The following DLG2 variants were observed in gnomAD, a reference collection of about 807,000 sequenced individuals.
The protein encoded by DLG2 is discs large MAGUK scaffold protein 2.
A neutral mutation model predicts 132.5 loss-of-function variants in DLG2; 45 were observed. That is an observed-to-expected ratio of 0.34 (90% CI 0.27 to 0.44). DLG2 has a LOEUF of 0.44. Ranked by LOEUF, DLG2 falls within the 20% of genes least tolerant of loss-of-function variation. The pLI is 1.00. For synonymous variants in DLG2, 424 were observed against 419.6 expected, an observed-to-expected ratio of 1.01 and a Z score of -0.13; for missense variants, 1,045 against 1,196.9, an observed-to-expected ratio of 0.87 and a Z score of 1.87.
At chr11:84,780,979 C>T (rs1472829461) in intron 6 of DLG2, among the ~76,000 whole-genome samples, 2 of 117,866 alleles carry the variant, frequency 1.7e-5, no homozygotes, top group African/African-American at 3.3e-5. Flanking sequence ...TTGTGAAGTG[C>T]TTTACTCCAG....
At chr11:84,422,125 A>G (rs1049624809) in intron 7 of DLG2, among the ~76,000 whole-genome samples, 1 of 152,188 alleles carries the variant, frequency 6.6e-6, no homozygotes, top group African/African-American at 2.4e-5. Context: ...TGGGCAAATT[A>G]TGTCTCTTTT....
At chr11:84,291,925 C>G (rs566405380) in intron 7 of DLG2, among the ~76,000 whole-genome samples, 2 of 152,230 alleles carry the variant, frequency 1.3e-5, no homozygotes, top group South Asian at 4.2e-4. Context: ...GAAAACACCC[C>G]CTCTATTTAT....
chr11:83,959,737 G>A (rs1231814975), intron 14 of DLG2, among the ~76,000 whole-genome samples: 1 of 152,042 alleles, frequency 6.6e-6, no homozygotes, highest in Non-Finnish European at 1.5e-5. Flanking sequence ...GGGATGCAGG[G>A]ATGGGGCCTT....
At chr11:84,077,887 C>T (rs946465890) in intron 10 of DLG2, among the ~76,000 whole-genome samples, 2 of 152,080 alleles carry the variant, frequency 1.3e-5, no homozygotes, top group Admixed American at 6.5e-5. Context: ...ATTGATCACC[C>T]TAGCATACTT....
intron 5 of DLG2, among the ~76,000 whole-genome samples, chr11:85,113,072 G>A (rs1201841699): frequency 2.6e-5 from 4 of 151,970 alleles, no homozygotes; most frequent in Non-Finnish European, 5.9e-5. Context: ...TATGGATAAA[G>A]TCATCATAAA....
At chr11:83,977,845 T>G (rs1386477494) in intron 12 of DLG2, among the ~76,000 whole-genome samples, 1 of 152,092 alleles carries the variant, frequency 6.6e-6, no homozygotes, top group Admixed American at 6.6e-5. Context: ...CATTCTACTT[T>G]TAATACATAC....
intron 7 of DLG2, among the ~76,000 whole-genome samples, chr11:84,406,893 G>A (rs2098854059): frequency 6.6e-6 from 1 of 152,168 alleles, no homozygotes; most frequent in Non-Finnish European, 1.5e-5. Flanking sequence ...GAGAAGAGGT[G>A]GAAGGTGAGA....
chr11:85,317,234 T>A (rs990691802), intron 3 of DLG2, among the ~76,000 whole-genome samples: 2 of 151,902 alleles, frequency 1.3e-5, no homozygotes, highest in African/African-American at 2.4e-5. Flanking sequence ...GCTGCAGACA[T>A]AGACGGGGCT....
intron 6 of DLG2, among the ~76,000 whole-genome samples, chr11:84,849,118 T>C (rs1046884092): frequency 1.3e-4 from 20 of 152,136 alleles, no homozygotes; most frequent in African/African-American, 4.8e-4. Context: ...GAGAGGAACC[T>C]CATAGAGATG....
chr11:84,515,147 T>C (rs978931085), intron 7 of DLG2, among the ~76,000 whole-genome samples: 3 of 151,338 alleles, frequency 2.0e-5, no homozygotes, highest in Admixed American at 6.6e-5. Context: ...AGGAACCAAA[T>C]ACCTACAAAA....
chr11:83,701,569 G>C (rs374893992), intron 18 of DLG2, among the ~76,000 whole-genome samples: 1 of 152,164 alleles, frequency 6.6e-6, no homozygotes, highest in African/African-American at 2.4e-5. Context: ...AAGGGAAGAT[G>C]AACAAAGAAG....
chr11:83,744,011 C>T (rs1305566861), intron 18 of DLG2, among the ~76,000 whole-genome samples: 1 of 152,132 alleles, frequency 6.6e-6, no homozygotes, highest in Non-Finnish European at 1.5e-5. Context: ...AGCTAGGGTT[C>T]ACAATGCAAA....
At chr11:83,896,420 C>A (rs1274260074) in intron 15 of DLG2, among the ~76,000 whole-genome samples, 1 of 152,190 alleles carries the variant, frequency 6.6e-6, no homozygotes, top group African/African-American at 2.4e-5. Flanking sequence ...ATTACAGAAT[C>A]TTAATCTGCC....
At chr11:84,326,323 T>C (rs1018325877) in intron 7 of DLG2, among the ~76,000 whole-genome samples, 1 of 152,146 alleles carries the variant, frequency 6.6e-6, no homozygotes, top group Non-Finnish European at 1.5e-5. Context: ...AATTAGGTTG[T>C]TTATTTGAGA....
intron 19 of DLG2, among the ~76,000 whole-genome samples, chr11:83,601,639 G>C (rs1434676059): frequency 5.4e-5 from 5 of 92,058 alleles, no homozygotes; most frequent in Non-Finnish European, 1.3e-4. Flanking sequence ...GGCCTCCCAT[G>C]TAGCTGGGAC....
intron 18 of DLG2, among the ~76,000 whole-genome samples, chr11:83,686,458 C>T (rs991803287): frequency 2.6e-5 from 4 of 152,052 alleles, no homozygotes; most frequent in Non-Finnish European, 4.4e-5. Context: ...TTTACTTTTG[C>T]TCCTCTACCC....
intron 6 of DLG2, among the ~76,000 whole-genome samples, chr11:84,580,263 G>T (rs1002391607): frequency 1.3e-5 from 2 of 152,146 alleles, no homozygotes; most frequent in Non-Finnish European, 1.5e-5. Flanking sequence ...TTAAGATATG[G>T]AGAAAATGTA....
chr11:84,509,059 C>A (rs2099250124), intron 7 of DLG2, among the ~76,000 whole-genome samples: 1 of 152,200 alleles, frequency 6.6e-6, no homozygotes, highest in African/African-American at 2.4e-5. Flanking sequence ...AGAAATGTAG[C>A]AGACACCTGA....
At chr11:84,746,170 C>T (rs1301645349) in intron 6 of DLG2, among the ~76,000 whole-genome samples, 1 of 147,862 alleles carries the variant, frequency 6.8e-6, no homozygotes, top group Non-Finnish European at 1.5e-5. Context: ...ACTGGGAACT[C>T]AGAAAAGGAG....
Sources: allele counts gnomAD v4.1 joint callset (sites outside exome capture counted in the v4.1 genomes callset), GRCh38; gene constraint gnomAD v4.1.1; transcripts MANE v1.5; gene names NCBI Gene and HGNC (gene_info 2026-07-23, HGNC 2026-07-21).